Variants in TIAM1 observed in about 807,000 individuals in gnomAD.
TIAM1 encodes the protein rho guanine nucleotide exchange factor TIAM1.
In TIAM1, 65 loss-of-function variants were observed where a neutral mutation model predicts 163.5. The ratio of observed to expected loss-of-function variants is 0.40; its 90% CI spans 0.33 to 0.49. The LOEUF (loss-of-function observed/expected upper bound fraction) is 0.49. Among genes scored for constraint, TIAM1 ranks in the 20% least tolerant of loss-of-function variants. The pLI is 0.77. For synonymous variants in TIAM1, 833 were observed against 810.1 expected (o/e 1.03, Z -0.48); for missense variants, 1,789 against 2,044.7 (o/e 0.87, Z 2.41).
At chr21:31,199,555 G>C (rs1187384901) in intron 12 of TIAM1, among the ~76,000 whole-genome samples, 3 of 145,688 alleles carry the variant, frequency 2.1e-5, no homozygotes, top group Non-Finnish European at 4.5e-5. Flanking sequence ...TTTTGAGACA[G>C]AATCTGGCTT....
intron 2 of TIAM1, among the ~76,000 whole-genome samples, chr21:31,297,555 C>T (rs868385802): frequency 1.6e-4 from 24 of 152,272 alleles, no homozygotes; most frequent in East Asian, 1.4e-3. Flanking sequence ...CCACAACGCA[C>T]GGCTAATTTT....
At chr21:31,388,195 C>T (rs982658471) in intron 2 of TIAM1, among the ~76,000 whole-genome samples, 2 of 147,006 alleles carry the variant, frequency 1.4e-5, no homozygotes, top group African/African-American at 5.1e-5. Context: ...TTTCTTTATC[C>T]AACGCAAGAA....
intron 1 of TIAM1, among the ~76,000 whole-genome samples, chr21:31,487,707 G>A (rs1224421429): frequency 1.2e-4 from 18 of 151,652 alleles, no homozygotes; most frequent in African/African-American, 3.9e-4. Flanking sequence ...ACAGGCGCCC[G>A]CCACCGCGCC....
rs551555707 is a variant in TIAM1, at chr21:31,285,176, TCCCCAAGCCACCC to T, written c.-188-8281_-188-8269del. 7.4e-4 allele frequency among the ~76,000 whole-genome samples: 112 copies of T among 150,696 alleles called. 2 individuals carry two copies. The South Asian group carries it at 0.022, about 30-fold the overall frequency. On this transcript the variant is annotated intron_variant, in intron 2 of 27. Transcript: ENST00000541036. ...ATGTGGTCATCAGCTATGATTTCAT[TCCCCAAGCCACCC>T]CCCCAAGCCAATTCCCAACCCATAG...
intron 2 of TIAM1, among the ~76,000 whole-genome samples, chr21:31,301,761 AC>A (rs1488597252): frequency 6.6e-6 from 1 of 151,872 alleles, no homozygotes. Flanking sequence ...AATTGCTTGA[AC>A]CCAGGAGGCA....
chr21:31,235,718 A>C (rs187280411), intron 6 of TIAM1, among the ~76,000 whole-genome samples: 8 of 152,348 alleles, frequency 5.3e-5, no homozygotes, highest in African/African-American at 1.9e-4. Flanking sequence ...ATACAAATTT[A>C]AACTAATGTA....
chr21:31,329,734 T>G (rs909645929), intron 2 of TIAM1, among the ~76,000 whole-genome samples: 2 of 152,210 alleles, frequency 1.3e-5, no homozygotes, highest in African/African-American at 4.8e-5. Context: ...TCTCCCCTGC[T>G]GCCCAGTGAC....
At chr21:31,278,845 C>A (rs1038275361) in intron 2 of TIAM1, among the ~76,000 whole-genome samples, 8 of 152,094 alleles carry the variant, frequency 5.3e-5, no homozygotes, top group Non-Finnish European at 7.4e-5. Context: ...CGGCTCTCTG[C>A]GAATTTCCGA....
At chr21:31,339,887 G>A (rs2075964145) in intron 1 of TIAM1, among the ~76,000 whole-genome samples, 1 of 152,162 alleles carries the variant, frequency 6.6e-6, no homozygotes, top group African/African-American at 2.4e-5. Context: ...AACTGGAGAA[G>A]TGGGTGTTGC....
At chr21:31,482,744 T>C (rs900438319) in intron 1 of TIAM1, among the ~76,000 whole-genome samples, 1 of 152,112 alleles carries the variant, frequency 6.6e-6, no homozygotes, top group Admixed American at 6.5e-5. Flanking sequence ...AATTTGAAGC[T>C]TGCCGGTCCT....
chr21:31,284,550 G>A (rs769112985), intron 2 of TIAM1, among the ~76,000 whole-genome samples: 16 of 151,840 alleles, frequency 1.1e-4, no homozygotes, highest in Non-Finnish European at 2.2e-4. Context: ...ATGGAGTCTC[G>A]CTCTGTCACC....
rs1246131701 is a variant in TIAM1 at position 31,395,183 on chromosome 21, A to C, written c.-368-55761T>G. Among the ~76,000 whole-genome samples the C allele has an allele frequency of 6.6e-6, 1 of 152,090 alleles. No homozygotes were observed. Among genetic ancestry groups the C allele is most frequent in the East Asian group, 1.9e-4 (1 of 5,186 alleles). On this transcript the variant is annotated intron_variant, in intron 2 of 28. Coordinates refer to the TIAM1 transcript ENST00000286827. The surrounding 1 kb of genome is among the most constrained non-coding windows in gnomAD (Gnocchi z 7.5). ...AGCCTGGGAGGCAGAGGTTGCAGTA[A>C]GCTGAGATCGCGCCACCACACTCCA...
At chr21:31,128,279 G>A (rs1168727817) in intron 25 of TIAM1, among the ~76,000 whole-genome samples, 1 of 152,198 alleles carries the variant, frequency 6.6e-6, no homozygotes, top group Non-Finnish European at 1.5e-5. Flanking sequence ...ATCCACTAGA[G>A]TGGATTTCAT....
At chr21:31,495,970 AAAAAAAAAAGATTACAATGG>A (rs964555020) in intron 1 of TIAM1, among the ~76,000 whole-genome samples, 3 of 151,698 alleles carry the variant, frequency 2.0e-5, no homozygotes, top group African/African-American at 7.3e-5. Context: ...AGGGTCTCAA[AAAAAAAAAAGATTACAATGG>A]AGCTCTCACT....
chr21:31,514,316 G>A (rs1027617370), intron 1 of TIAM1, among the ~76,000 whole-genome samples: 8 of 152,026 alleles, frequency 5.3e-5, no homozygotes, highest in Non-Finnish European at 8.8e-5. Context: ...CAAATTCTAG[G>A]TTCTTCCTTC....
chr21:31,335,275 G>T (rs1008785067), intron 2 of TIAM1, among the ~76,000 whole-genome samples: 19 of 152,062 alleles, frequency 1.2e-4, no homozygotes, highest in Non-Finnish European at 2.4e-4. Context: ...CCCTAATTTT[G>T]CAGTTTTTAA....
Position 31,248,737 on chromosome 21 carries a change from C to T in TIAM1, c.1411+3005G>A, listed in dbSNP as rs114980726. On this transcript the variant is annotated intron_variant, in intron 5 of 27. Coordinates refer to ENST00000541036, the MANE Select transcript of TIAM1 (RefSeq NM_001353694.2). ...AAGGACAAAGCCCTGAGGATGTCAACAAATCCTGGGAACCCATCAGGATGA... is the reference window on the plus strand; with the variant it reads ...AAGGACAAAGCCCTGAGGATGTCAATAAATCCTGGGAACCCATCAGGATGA... Among the ~76,000 whole-genome samples the T allele has an allele frequency of 7.7e-3, 1,168 of 152,204 alleles. 16 individuals are homozygous for T. The highest frequency in any genetic ancestry group is 0.026 in the African/African-American group (1,092 of 41,522).
intron 6 of TIAM1, among the ~76,000 whole-genome samples, chr21:31,243,220 A>ATATC (rs2071309238): frequency 1.4e-5 from 2 of 145,648 alleles, no homozygotes; most frequent in Admixed American, 6.9e-5. Flanking sequence ...ATATATATAT[A>ATATC]TATATGTATA....
chr21:31,415,110 G>T (rs576584951), intron 2 of TIAM1, among the ~76,000 whole-genome samples: 1 of 152,252 alleles, frequency 6.6e-6, no homozygotes, highest in African/African-American at 2.4e-5. Flanking sequence ...AGCAGTCCAC[G>T]TAAAACAAAT....
Sources: gnomAD v4.1 joint callset for allele counts (sites outside exome capture counted in the v4.1 genomes callset) on GRCh38, gnomAD v4.1.1 for gene constraint, Gnocchi (gnomAD v3.1) non-coding constraint, MANE v1.5 for transcripts, NCBI Gene and HGNC (gene_info 2026-07-23, HGNC 2026-07-21) for gene names.